Variants in PUS10 observed in about 807,000 individuals in gnomAD.
PUS10 encodes the protein pseudouridine synthase 10.
Under a neutral mutation model 75.0 loss-of-function variants are expected in PUS10, and 59 were observed. That is an observed-to-expected ratio of 0.79 (90% CI 0.64 to 0.98). The LOEUF is 0.98. Ranked by LOEUF, PUS10 falls within the 50% of genes least tolerant of loss-of-function variation. The pLI is 0.00. For missense variants in PUS10, 650 were observed against 614.4 expected (o/e 1.06, Z -0.61); for synonymous variants, 219 against 211.6 (o/e 1.03, Z -0.30).
intron 4 of PUS10, among the ~76,000 whole-genome samples, chr2:61,005,162 G>A (rs756272773): frequency 7.9e-5 from 12 of 152,192 alleles, no homozygotes; most frequent in Non-Finnish European, 1.8e-4. Flanking sequence ...TTGGGAGACT[G>A]AGGCAGGAGA....
In PUS10 at chr2:61,018,006, A is replaced by G; in HGVS notation, c.-16+2T>C. 1 of 1,343,322 alleles carries G rather than the reference A, an allele frequency of 7.4e-7. No individual in the cohort carries two copies. Among genetic ancestry groups the G allele is most frequent in the Non-Finnish European group, 1.0e-6 (1 of 995,698 alleles). The allele number at this position is 1,343,322 out of a possible 1,614,324, so 83.2% of individuals were successfully genotyped here. On this transcript the variant is annotated splice_donor_variant, in intron 1 of 17. Coordinates refer to ENST00000316752, the MANE Select transcript of PUS10 (RefSeq NM_144709.4). LOFTEE classifies it low-confidence loss of function (5UTR_SPLICE). ...GGGCCGAGGTGGAGCTGGGGCGCTT[A>G]CCAGTGGGGACTTTAGTGTCTCACA...
At chr2:60,996,607 AAACTT>A (rs537028396) in intron 4 of PUS10, among the ~76,000 whole-genome samples, 1,806 of 152,114 alleles carry the variant, frequency 0.012, 41 homozygotes, top group African/African-American at 0.041. Flanking sequence ...AAAAAAAAAA[AAACTT>A]AAAAAGCAAC....
At chr2:60,981,214 A>C (rs1464205383) in intron 4 of PUS10, among the ~76,000 whole-genome samples, 3 of 151,364 alleles carry the variant, frequency 2.0e-5, no homozygotes, top group Non-Finnish European at 4.4e-5. Flanking sequence ...GTTTTTAAGA[A>C]CCTCAAGTAG....
rs774873938 is a variant in PUS10 at position 60,965,432 on chromosome 2, C to A, written c.668G>T (p.Cys223Phe). Residue 223 changes from cysteine (C) to phenylalanine (F), a missense_variant, in exon 7 of 18, where the codon TGC becomes TTC. By Grantham distance (205) the Cys-to-Phe change is radical (BLOSUM62 -2). Coordinates refer to ENST00000316752, the MANE Select transcript of PUS10 (RefSeq NM_144709.4). ...VFAHPETVED[C>F]HFLAAICPDC... is the part of the protein sequence containing the mutation. ...TTACATGGCAACTTACAGGAAGTGG[C>A]AATCCTCAACTGTTTCTGGGTGAGC... The A allele has an allele frequency of 3.7e-6, 6 of 1,610,920 alleles. 1 individual carries two copies. The South Asian group carries it at 6.6e-5, about 18-fold the overall frequency.
chr2:60,964,306 C>T (rs1404916606), intron 8 of PUS10, among the ~76,000 whole-genome samples: 4 of 152,198 alleles, frequency 2.6e-5, no homozygotes, highest in Admixed American at 2.0e-4. Context: ...AGAGGCAAAA[C>T]CAACAGATGT....
Position 61,006,606 on chromosome 2 carries a change from G to T in PUS10, c.419C>A (p.Thr140Asn). The change falls in exon 4 of 18, where the codon ACC (threonine) becomes AAC (asparagine). Residue 140 changes from threonine to asparagine, a missense_variant. Transcript: ENST00000316752. ...GAAGGAGACTGAAAATACCAAGCTG[G>T]TGAATTCAAACCCAGAGGCCTCAAC... ...QKVEASGFEF[T>N]SLVFSVSFPP... is the part of the protein sequence containing the mutation. The T allele has an allele frequency of 1.2e-6, 2 of 1,613,424 alleles. No homozygotes were observed. Among genetic ancestry groups the T allele is most frequent in the Non-Finnish European group, 1.7e-6 (2 of 1,179,740 alleles).
chr2:60,995,786 G>A (rs910811573), intron 4 of PUS10, among the ~76,000 whole-genome samples: 1 of 152,124 alleles, frequency 6.6e-6, no homozygotes, highest in Non-Finnish European at 1.5e-5. Context: ...GAGGCCAAAT[G>A]TGACAATTCA....
intron 4 of PUS10, among the ~76,000 whole-genome samples, chr2:60,991,272 C>A (rs1428509575): frequency 6.6e-6 from 1 of 152,066 alleles, no homozygotes; most frequent in African/African-American, 2.4e-5. Flanking sequence ...AAGGGTAATA[C>A]ACAAGATGAA....
intron 11 of PUS10, among the ~76,000 whole-genome samples, chr2:60,957,103 T>A (rs1258384877): frequency 1.3e-5 from 2 of 151,386 alleles, no homozygotes; most frequent in Non-Finnish European, 2.9e-5. Context: ...AACTTATTAG[T>A]GTGCAATTAT....
intron 4 of PUS10, among the ~76,000 whole-genome samples, chr2:60,976,680 G>T (rs1444681828): frequency 6.6e-6 from 1 of 152,184 alleles, no homozygotes; most frequent in Non-Finnish European, 1.5e-5. Flanking sequence ...CAGCAGATTG[G>T]ACAGAACTAA....
chr2:60,971,565 C>A lies in PUS10; in HGVS notation c.469-8G>T, dbSNP rs766284753. 1 of 1,613,200 alleles carries A rather than the reference C, an allele frequency of 6.2e-7. No homozygotes were observed. Among genetic ancestry groups the A allele is most frequent in the Non-Finnish European group, 8.5e-7 (1 of 1,179,348 alleles). ...CAGCAACCATGCAGCATGCTGTAGG[C>A]AATTTAGTCACACCCAGAAAGAGAA... is the stretch of plus-strand genomic sequence containing the variant. On this transcript the variant is annotated splice_region_variant and splice_polypyrimidine_tract_variant and intron_variant, in intron 4 of 17. Coordinates refer to ENST00000316752, the MANE Select transcript of PUS10 (RefSeq NM_144709.4).
chr2:60,988,094 A>C (rs913462323), intron 4 of PUS10, among the ~76,000 whole-genome samples: 2 of 151,964 alleles, frequency 1.3e-5, no homozygotes, highest in African/African-American at 2.4e-5. Context: ...GTCTAAAATA[A>C]ATAAATAAAT....
At chr2:61,012,869 T>A (rs560648845) in intron 1 of PUS10, among the ~76,000 whole-genome samples, 1,978 of 80,778 alleles carry the variant, frequency 0.024, 48 homozygotes, top group East Asian at 0.049. Flanking sequence ...AAAAAAAAAA[T>A]ATATATATAT....
chr2:61,000,614 A>G (rs1002376028), intron 4 of PUS10, among the ~76,000 whole-genome samples: 2 of 152,054 alleles, frequency 1.3e-5, no homozygotes, highest in Non-Finnish European at 2.9e-5. Context: ...CAGAATAAAC[A>G]TTACATCTCT....
intron 11 of PUS10, among the ~76,000 whole-genome samples, chr2:60,957,338 G>A (rs1675739892): frequency 6.6e-6 from 1 of 152,206 alleles, no homozygotes. Flanking sequence ...TTGGACAAAG[G>A]ATGCTGCAAG....
intron 4 of PUS10, among the ~76,000 whole-genome samples, chr2:60,991,723 T>C (rs763668760): frequency 1.3e-5 from 2 of 152,228 alleles, no homozygotes; most frequent in South Asian, 4.1e-4. Flanking sequence ...ATGATATGTG[T>C]GAGGGGGTAG....
Position 61,008,907 on chromosome 2 carries a change from T to C in PUS10, c.235A>G (p.Ser79Gly). 1 of 1,613,916 alleles carries C rather than the reference T, an allele frequency of 6.2e-7. No homozygotes were observed. Among genetic ancestry groups the C allele is most frequent in the South Asian group, 1.1e-5 (1 of 91,062 alleles). ...KKIRLQELED[S>G]IDNLSQNGEG... ...CCATTTTGACTTAGATTATCAATAC[T>C]ATCTTCCAGTTCTTGCAGTCGAATT... Residue 79 changes from serine to glycine, a missense_variant, in exon 3 of 18, where the codon AGT becomes GGT. Transcript: ENST00000316752.
At chr2:60,962,792 C>T in intron 9 of PUS10, 34 bp downstream of exon 9, 4 of 1,568,390 alleles carry the variant, frequency 2.6e-6, no homozygotes, top group South Asian at 2.4e-5. Flanking sequence ...TCTAAAATTT[C>T]ACGATGCTTC....
intron 14 of PUS10, 82 bp from the exon 15 acceptor site, chr2:60,953,196 AAC>A (rs1420084461): frequency 8.1e-6 from 6 of 740,856 alleles, no homozygotes; most frequent in African/African-American, 7.1e-5. Context: ...TTTCTTTAAA[AAC>A]AGTTTACATA....
Sources: allele counts gnomAD v4.1 joint callset (sites outside exome capture counted in the v4.1 genomes callset), GRCh38; gene constraint gnomAD v4.1.1; transcripts MANE v1.5; gene names NCBI Gene and HGNC (gene_info 2026-07-23, HGNC 2026-07-21).